Variants in RIMS2 observed in about 807,000 individuals in gnomAD.
RIMS2 encodes regulating synaptic membrane exocytosis 2, also known as regulating synaptic membrane exocytosis protein 2.
RIMS2 carries 59 observed loss-of-function variants against 174.4 expected under a neutral mutation model. The observed-to-expected ratio is 0.34, with a 90% CI of 0.27 to 0.42. The LOEUF (loss-of-function observed/expected upper bound fraction) is 0.42. Ranked by LOEUF, RIMS2 falls within the 10% of genes least tolerant of loss-of-function variation. RIMS2 has a pLI of 1.00. For synonymous variants in RIMS2, 606 were observed against 572.5 expected, an observed-to-expected ratio of 1.06 and a Z score of -0.84; for missense variants, 1,620 against 1,666.3, an observed-to-expected ratio of 0.97 and a Z score of 0.48.
intron 1 of RIMS2, among the ~76,000 whole-genome samples, chr8:103,695,871 A>G (rs530849262): frequency 6.6e-6 from 1 of 152,038 alleles, no homozygotes; most frequent in South Asian, 2.1e-4. Context: ...GCCACTTTCA[A>G]AGGTTTTTCT....
At chr8:103,801,026 T>C (rs116993092) in intron 3 of RIMS2, among the ~76,000 whole-genome samples, 23,923 of 152,194 alleles carry the variant, frequency 0.16, 1,995 homozygotes, top group Middle Eastern at 0.24. Flanking sequence ...GAAGTCTTGC[T>C]TTGTCGCCCA....
chr8:103,587,409 G>GAAAGAAAGAAAGA (rs1554653342), intron 1 of RIMS2, among the ~76,000 whole-genome samples: 1 of 117,044 alleles, frequency 8.5e-6, no homozygotes, highest in Non-Finnish European at 1.8e-5. Flanking sequence ...GAAGAAAAAA[G>GAAAGAAAGAAAGA]AAGAAAGAAA....
intron 19 of RIMS2, among the ~76,000 whole-genome samples, chr8:104,141,215 A>G (rs2098566500): frequency 6.6e-6 from 1 of 152,220 alleles, no homozygotes; most frequent in African/African-American, 2.4e-5. Context: ...CATATGATCT[A>G]TAAAGTAATA....
exon 4 of RIMS2, chr8:103,885,825 C>T (rs1431271476): frequency 1.2e-6 from 2 of 1,612,754 alleles, no homozygotes; most frequent in East Asian, 2.2e-5. Flanking sequence ...AATCAGCGAT[C>T]TTATTCAATG....
intron 17 of RIMS2, among the ~76,000 whole-genome samples, chr8:103,997,720 A>G (rs571297633): frequency 6.6e-6 from 1 of 151,876 alleles, no homozygotes; most frequent in African/African-American, 2.4e-5. Context: ...TATTAAATGG[A>G]ATTGTTAAGG....
intron 16 of RIMS2, among the ~76,000 whole-genome samples, chr8:103,987,035 T>C (rs1424287021): frequency 6.6e-6 from 1 of 152,230 alleles, no homozygotes; most frequent in African/African-American, 2.4e-5. Context: ...TGAGAACTAA[T>C]ATCTGTTCTA....
Position 103,922,955 on chromosome 8 carries a change from G to A in RIMS2, c.2196+1171G>A, listed in dbSNP as rs144490724. On this transcript the variant is annotated intron_variant, in intron 10 of 23. Coordinates refer to ENST00000504942, the Ensembl canonical transcript of RIMS2. Reference sequence around the variant, plus strand: ...GAATATGTGATGCTATTAGGAGATTGTAAATGTTCCACTAAAATATATTTC... The same window carrying A: ...GAATATGTGATGCTATTAGGAGATTATAAATGTTCCACTAAAATATATTTC... 3.0e-3 allele frequency among the ~76,000 whole-genome samples: 462 copies of A among 151,924 alleles called. 2 individuals carry two copies. The highest frequency in any genetic ancestry group is 0.01 in the African/African-American group (429 of 41,524).
chr8:103,998,336 T>A, intron 17 of RIMS2: 1 of 834,930 alleles, frequency 1.2e-6, no homozygotes, highest in Non-Finnish European at 2.0e-6. Context: ...ATTTCTGTTT[T>A]TATGTATATA....
chr8:103,689,628 T>A (rs750532526), intron 1 of RIMS2, among the ~76,000 whole-genome samples: 84 of 152,336 alleles, frequency 5.5e-4, no homozygotes, highest in Non-Finnish European at 9.4e-4. Context: ...TGTTTCTTTT[T>A]ATAATTTTTG....
chr8:104,214,663 A>G (rs1016502533), intron 19 of RIMS2, among the ~76,000 whole-genome samples: 5 of 152,064 alleles, frequency 3.3e-5, no homozygotes, highest in African/African-American at 1.2e-4. Flanking sequence ...GGCCAGGCTG[A>G]TCTCTAACTC....
chr8:103,599,758 A>C (rs1219582771), intron 1 of RIMS2, among the ~76,000 whole-genome samples: 2 of 151,746 alleles, frequency 1.3e-5, no homozygotes, highest in African/African-American at 2.4e-5. Context: ...TCATTTTTTT[A>C]ATTTTAATTT....
intron 19 of RIMS2, among the ~76,000 whole-genome samples, chr8:104,061,054 GGT>G (rs2096977212): frequency 6.6e-6 from 1 of 152,176 alleles, no homozygotes; most frequent in African/African-American, 2.4e-5. Context: ...CCGTTGATTT[GGT>G]GTGGAGAGTT....
At chr8:103,756,490 C>A (rs1591749700) in intron 2 of RIMS2, among the ~76,000 whole-genome samples, 1 of 149,588 alleles carries the variant, frequency 6.7e-6, no homozygotes, top group South Asian at 2.1e-4. Flanking sequence ...GGCTGGAGTG[C>A]AGTGGCACAT....
intron 3 of RIMS2, chr8:103,768,206 A>G: frequency 2.5e-6 from 1 of 392,902 alleles, no homozygotes; most frequent in Non-Finnish European, 4.8e-6. Context: ...TTAAAAAATG[A>G]GTGAATGAAT....
chr8:103,648,158 C>T (rs2096380316), intron 1 of RIMS2, among the ~76,000 whole-genome samples: 1 of 151,840 alleles, frequency 6.6e-6, no homozygotes, highest in South Asian at 2.1e-4. Context: ...CTTATTTTTC[C>T]CTTAATTTCA....
intron 3 of RIMS2, among the ~76,000 whole-genome samples, chr8:103,880,043 C>G (rs1217593125): frequency 6.6e-6 from 1 of 151,608 alleles, no homozygotes; most frequent in Non-Finnish European, 1.5e-5. Flanking sequence ...AAAACTGCTG[C>G]TTCTTGAACC....
At chr8:103,754,475 G>A (rs1014817242) in intron 2 of RIMS2, among the ~76,000 whole-genome samples, 1 of 152,112 alleles carries the variant, frequency 6.6e-6, no homozygotes, top group Non-Finnish European at 1.5e-5. Flanking sequence ...TTCAATTCCT[G>A]GATATCGTTT....
At chr8:103,681,209 A>G (rs1361409732) in intron 1 of RIMS2, among the ~76,000 whole-genome samples, 3 of 152,032 alleles carry the variant, frequency 2.0e-5, no homozygotes, top group Non-Finnish European at 2.9e-5. Flanking sequence ...CTGTTTGACT[A>G]TGAGCCACAT....
At chr8:103,607,235 G>A (rs1329729053) in intron 1 of RIMS2, among the ~76,000 whole-genome samples, 1 of 152,060 alleles carries the variant, frequency 6.6e-6, no homozygotes, top group Non-Finnish European at 1.5e-5. Flanking sequence ...TGTCTGTGAA[G>A]TATTTTATTT....
Sources: allele counts gnomAD v4.1 joint callset (sites outside exome capture counted in the v4.1 genomes callset), GRCh38; gene constraint gnomAD v4.1.1; transcripts MANE v1.5; gene names NCBI Gene and HGNC (gene_info 2026-07-23, HGNC 2026-07-21).